Variants in PPFIA2 observed in about 807,000 individuals in gnomAD.
The protein encoded by PPFIA2 is PPFI scaffold protein A2, also known as liprin-alpha-2.
PPFIA2 carries 46 observed loss-of-function variants against 175.5 expected under a neutral mutation model. The ratio of observed to expected loss-of-function variants is 0.26; its 90% confidence interval spans 0.21 to 0.34. The LOEUF (loss-of-function observed/expected upper bound fraction) is 0.34. Among genes scored for constraint, PPFIA2 ranks in the 10% least tolerant of loss-of-function variants. The probability of loss-of-function intolerance (pLI) is 1.00; values close to 1 mark genes in which losing one functional copy is unlikely to be tolerated. For missense variants in PPFIA2, 1,179 were observed against 1,506.1 expected (o/e 0.78, Z 3.60); for synonymous variants, 568 against 511.4 (o/e 1.11, Z -1.49).
intron 25 of PPFIA2, 141 bp downstream of exon 25, chr12:81,284,099 CT>C: frequency 1.5e-6 from 1 of 653,096 alleles, no homozygotes; most frequent in Non-Finnish European, 2.7e-6. Context: ...TAAAAGAAAA[CT>C]GTAAAAAATG....
chr12:81,745,098 A>C (rs564663927), intron 3 of PPFIA2, among the ~76,000 whole-genome samples: 1 of 152,364 alleles, frequency 6.6e-6, no homozygotes, highest in South Asian at 2.1e-4. Flanking sequence ...AAAATTTCAG[A>C]CAGCCGTCCT....
At chr12:81,379,851 A>G (rs2037244728) in intron 9 of PPFIA2, among the ~76,000 whole-genome samples, 1 of 152,158 alleles carries the variant, frequency 6.6e-6, no homozygotes, top group African/African-American at 2.4e-5. Context: ...TGCAAAAGTA[A>G]TTGCAGTTTT....
chr12:81,681,381 G>T (rs1482450266), intron 3 of PPFIA2, among the ~76,000 whole-genome samples: 2 of 151,904 alleles, frequency 1.3e-5, no homozygotes, highest in East Asian at 1.9e-4. Context: ...TCTGTTCCTG[G>T]CATGAAAACC....
At chr12:81,549,169 A>T (rs2067472470) in intron 4 of PPFIA2, among the ~76,000 whole-genome samples, 1 of 151,996 alleles carries the variant, frequency 6.6e-6, no homozygotes, top group African/African-American at 2.4e-5. Flanking sequence ...TGGCATGTAT[A>T]TTTATTATTA....
intron 4 of PPFIA2, among the ~76,000 whole-genome samples, chr12:81,665,189 A>C (rs777829128): frequency 2.0e-4 from 31 of 152,042 alleles, no homozygotes; most frequent in Non-Finnish European, 3.7e-4. Context: ...AGTGTAATAA[A>C]AATAAACGTG....
chr12:81,549,574 C>T (rs1224189925), intron 4 of PPFIA2, among the ~76,000 whole-genome samples: 1 of 151,960 alleles, frequency 6.6e-6, no homozygotes, highest in Non-Finnish European at 1.5e-5. Flanking sequence ...ATTCTTGCAA[C>T]AACCTGGTCG....
Position 81,277,307 on chromosome 12 carries a change from G to C in PPFIA2, c.3310+10C>G, listed in dbSNP as rs2040771408. The C allele has an allele frequency of 6.5e-7, 1 of 1,528,810 alleles. No individual in the cohort carries two copies. Among genetic ancestry groups the C allele is most frequent in the Non-Finnish European group, 8.8e-7 (1 of 1,139,156 alleles). The allele number at this position is 1,528,810 out of a possible 1,614,324, so 94.7% of individuals were successfully genotyped here. A position where few individuals can be genotyped will look rare whatever the true frequency, so the allele number is the denominator to read the frequency against. On this transcript the variant is annotated intron_variant, in intron 28 of 32. Coordinates refer to ENST00000549396, the MANE Select transcript of PPFIA2 (RefSeq NM_003625.5). Reference sequence around the variant, plus strand: ...ATAAAGGCATTTCATATGAAAGAAAGATATATTACCTTTTATTTCATGTTG... The same window carrying C: ...ATAAAGGCATTTCATATGAAAGAAACATATATTACCTTTTATTTCATGTTG...
chr12:81,726,206 A>G (rs1390086505), intron 3 of PPFIA2, among the ~76,000 whole-genome samples: 2 of 151,216 alleles, frequency 1.3e-5, no homozygotes, highest in Non-Finnish European at 3.0e-5. Context: ...CTTTTCCTCT[A>G]AAACTACTCG....
chr12:81,548,350 T>C (rs1031950956), intron 4 of PPFIA2, among the ~76,000 whole-genome samples: 2 of 152,164 alleles, frequency 1.3e-5, no homozygotes, highest in African/African-American at 4.8e-5. Context: ...CAAGAGCAAG[T>C]TTATTTTCTG....
At chr12:81,323,804 G>A (rs1030826844) in intron 22 of PPFIA2, among the ~76,000 whole-genome samples, 8 of 151,976 alleles carry the variant, frequency 5.3e-5, no homozygotes, top group African/African-American at 7.2e-5. Context: ...TGCAAATTCC[G>A]AATAGGTGTT....
Position 81,299,286 on chromosome 12 carries a change from G to A in PPFIA2, c.2724+15C>T. 6.3e-7 allele frequency: 1 copy of A among 1,580,620 alleles called. No homozygotes were observed. The highest frequency in any genetic ancestry group is 1.8e-5 in the Admixed American group (1 of 55,466). On this transcript the variant is annotated intron_variant, in intron 23 of 32. Coordinates refer to ENST00000549396, the MANE Select transcript of PPFIA2 (RefSeq NM_003625.5). ...TAGTGATTGATTCAAGGGCCTCCTAGTTTCATTCTCTTACCTCTAGCCATG... is the reference window on the plus strand; with the variant it reads ...TAGTGATTGATTCAAGGGCCTCCTAATTTCATTCTCTTACCTCTAGCCATG...
intron 4 of PPFIA2, among the ~76,000 whole-genome samples, chr12:81,499,495 T>G (rs1341649140): frequency 6.6e-6 from 1 of 152,144 alleles, no homozygotes; most frequent in East Asian, 1.9e-4. Context: ...AATAATTATA[T>G]TTTTGAGGAA....
chr12:81,754,873 C>T (rs2084395757), intron 2 of PPFIA2, among the ~76,000 whole-genome samples: 3 of 152,026 alleles, frequency 2.0e-5, no homozygotes, highest in African/African-American at 7.3e-5. Flanking sequence ...CTTTTATATG[C>T]TCTCTCCCTG....
At chr12:81,296,287 C>T (rs563923919) in intron 23 of PPFIA2, among the ~76,000 whole-genome samples, 108 of 152,268 alleles carry the variant, frequency 7.1e-4, no homozygotes, top group African/African-American at 2.6e-3. Flanking sequence ...CCACTGCAAT[C>T]CAGCCTAGGC....
chr12:81,437,401 T>A (rs1317643965), intron 7 of PPFIA2, among the ~76,000 whole-genome samples: 2 of 152,080 alleles, frequency 1.3e-5, no homozygotes, highest in African/African-American at 4.8e-5. Flanking sequence ...AGCTAATTTT[T>A]TGTATTTTTA....
chr12:81,443,722 A>C (rs960532315), intron 6 of PPFIA2, among the ~76,000 whole-genome samples: 1 of 151,674 alleles, frequency 6.6e-6, no homozygotes, highest in East Asian at 1.9e-4. Context: ...TTTTCTCTGG[A>C]TAGGTCCTTC....
intron 9 of PPFIA2, among the ~76,000 whole-genome samples, chr12:81,379,490 G>T (rs2037159418): frequency 6.6e-6 from 1 of 151,980 alleles, no homozygotes; most frequent in African/African-American, 2.4e-5. Context: ...AATACAGGAT[G>T]GTTTTATTCA....
At chr12:81,657,265 G>A (rs576974411) in intron 4 of PPFIA2, among the ~76,000 whole-genome samples, 1 of 152,332 alleles carries the variant, frequency 6.6e-6, no homozygotes, top group Non-Finnish European at 1.5e-5. Context: ...AAAGAGGTTT[G>A]CAATTTCCTA....
Position 81,267,954 on chromosome 12 carries a change from G to T in PPFIA2, c.3444C>A (p.Ser1148Arg), listed in dbSNP as rs775086886. ...GAATCTGTAATAATAAAGCTAAGCTGCTGTAGTCAAAGTTTTCATCCAGGG... is the reference window on the plus strand; with the variant it reads ...GAATCTGTAATAATAAAGCTAAGCTTCTGTAGTCAAAGTTTTCATCCAGGG... ...LIALDENFDYSSLALLLQIPT... is the reference protein window; with the variant it reads ...LIALDENFDYRSLALLLQIPT... Residue 1148 changes from serine (S) to arginine (R), a missense_variant, in exon 29 of 33, where the codon AGC (serine) becomes AGA (arginine). By Grantham distance (110) the Ser-to-Arg change is moderately radical. Coordinates refer to ENST00000549396, the MANE Select transcript of PPFIA2 (RefSeq NM_003625.5). 1.9e-6 allele frequency: 3 copies of T among 1,598,836 alleles called. No individual in the cohort carries two copies. The highest frequency in any genetic ancestry group is 2.6e-6 in the Non-Finnish European group (3 of 1,171,886).
Sources: allele counts gnomAD v4.1 joint callset (sites outside exome capture counted in the v4.1 genomes callset), GRCh38; gene constraint gnomAD v4.1.1; transcripts MANE v1.5; gene names NCBI Gene and HGNC (gene_info 2026-07-23, HGNC 2026-07-21).